The following RAB2A variants were observed in gnomAD, a reference collection of about 807,000 sequenced individuals.
RAB2A encodes the protein ras-related protein Rab-2A.
In RAB2A, 7 loss-of-function variants were observed where a neutral mutation model predicts 32.5. That is an observed-to-expected ratio of 0.22 (90% CI 0.12 to 0.40). The LOEUF (loss-of-function observed/expected upper bound fraction) is 0.40, where lower values mean the gene tolerates loss of function less well. Ranked by LOEUF, RAB2A falls within the 10% of genes least tolerant of loss-of-function variation. RAB2A has a pLI of 1.00. For missense variants in RAB2A, 108 were observed against 260.7 expected, an observed-to-expected ratio of 0.41 and a Z score of 4.03; for synonymous variants, 79 against 85.2, an observed-to-expected ratio of 0.93 and a Z score of 0.40.
chr8:60,587,403 T>C (rs1803868702), intron 5 of RAB2A, among the ~76,000 whole-genome samples: 1 of 152,174 alleles, frequency 6.6e-6, no homozygotes, highest in Admixed American at 6.5e-5. Context: ...TAAAACTACT[T>C]AAAATTTCTA....
chr8:60,560,652 A>G (rs1439383009), intron 2 of RAB2A, among the ~76,000 whole-genome samples: 2 of 152,158 alleles, frequency 1.3e-5, no homozygotes, highest in South Asian at 2.1e-4. Context: ...CCAACCCACA[A>G]CCTGCATGCA....
intron 6 of RAB2A, among the ~76,000 whole-genome samples, chr8:60,615,516 T>C (rs191816363): frequency 6.2e-4 from 94 of 152,322 alleles, no homozygotes; most frequent in African/African-American, 2.1e-3. Flanking sequence ...GGGATTGATA[T>C]TTAATGAATA....
intron 1 of RAB2A, among the ~76,000 whole-genome samples, chr8:60,546,891 C>CTTTTTTTTTTTTTTTTTTTTTTTTTTGTT (rs6150606): frequency 1.0e-5 from 1 of 98,948 alleles, no homozygotes; most frequent in Non-Finnish European, 2.0e-5. Flanking sequence ...TTTTTTGGGT[C>CTTTTTTTTTTTTTTTTTTTTTTTTTTGTT]TTTTTTTTTT....
chr8:60,594,408 A>C (rs1335856070), intron 6 of RAB2A, among the ~76,000 whole-genome samples: 2 of 152,220 alleles, frequency 1.3e-5, no homozygotes, highest in Non-Finnish European at 2.9e-5. Flanking sequence ...ATAGGGGAAA[A>C]ACAGTTCTAA....
At chr8:60,547,663 C>T (rs1586074393) in intron 1 of RAB2A, among the ~76,000 whole-genome samples, 1 of 122,594 alleles carries the variant, frequency 8.2e-6, no homozygotes, top group East Asian at 2.9e-4. Context: ...GCTGACCCCC[C>T]CACCTCCCTC....
At chr8:60,559,881 CAG>C (rs1000107468) in intron 2 of RAB2A, among the ~76,000 whole-genome samples, 22 of 152,190 alleles carry the variant, frequency 1.4e-4, no homozygotes, top group Non-Finnish European at 2.9e-4. Context: ...AATACCAAAT[CAG>C]AGATAGAGCT....
chr8:60,581,086 G>A (rs1170527562), intron 3 of RAB2A, among the ~76,000 whole-genome samples: 2 of 152,184 alleles, frequency 1.3e-5, no homozygotes, highest in East Asian at 3.8e-4. Context: ...TGAAATTGCA[G>A]ATAGTGCTGA....
At chr8:60,542,179 G>A (rs1182774083) in intron 1 of RAB2A, among the ~76,000 whole-genome samples, 1 of 152,158 alleles carries the variant, frequency 6.6e-6, no homozygotes, top group Non-Finnish European at 1.5e-5. Context: ...TCTTAAAGAT[G>A]AGTAGCTGAG....
At chr8:60,526,016 TGTAC>T (rs1382194778) in intron 1 of RAB2A, among the ~76,000 whole-genome samples, 5 of 88,872 alleles carry the variant, frequency 5.6e-5, no homozygotes, top group African/African-American at 2.3e-4. Flanking sequence ...TATGTGTGTG[TGTAC>T]ATATATATAT....
At chr8:60,543,683 G>C (rs926783456) in intron 1 of RAB2A, among the ~76,000 whole-genome samples, 6 of 152,148 alleles carry the variant, frequency 3.9e-5, no homozygotes, top group African/African-American at 9.7e-5. Flanking sequence ...TGATGAAATG[G>C]AGGTTATTCT....
chr8:60,602,013 G>A (rs1404371753), intron 6 of RAB2A, among the ~76,000 whole-genome samples: 1 of 151,998 alleles, frequency 6.6e-6, no homozygotes, highest in East Asian at 1.9e-4. Flanking sequence ...CAAGTAGCTG[G>A]AATGACAGGT....
At chr8:60,607,560 G>A (rs879812712) in intron 6 of RAB2A, among the ~76,000 whole-genome samples, 9 of 151,968 alleles carry the variant, frequency 5.9e-5, no homozygotes, top group African/African-American at 1.2e-4. Context: ...TATGTCATGA[G>A]CCACCATGCC....
intron 6 of RAB2A, among the ~76,000 whole-genome samples, chr8:60,597,827 A>C (rs1267797864): frequency 6.6e-6 from 1 of 152,230 alleles, no homozygotes; most frequent in Non-Finnish European, 1.5e-5. Flanking sequence ...CAAGTTACCA[A>C]TTATCAGTAA....
intron 6 of RAB2A, among the ~76,000 whole-genome samples, chr8:60,593,739 G>T (rs1221437452): frequency 6.6e-6 from 1 of 152,064 alleles, no homozygotes; most frequent in East Asian, 1.9e-4. Context: ...ATGAAAAAAA[G>T]ATAATAGGTG....
At chr8:60,609,290 A>C (rs1243422508) in intron 6 of RAB2A, among the ~76,000 whole-genome samples, 1 of 152,166 alleles carries the variant, frequency 6.6e-6, no homozygotes, top group African/African-American at 2.4e-5. Context: ...CCTCCTCTGG[A>C]ATGTGTTCCA....
intron 3 of RAB2A, among the ~76,000 whole-genome samples, chr8:60,578,711 G>T (rs144279519): frequency 7.9e-5 from 12 of 152,330 alleles, no homozygotes; most frequent in African/African-American, 2.9e-4. Context: ...AGAAGAGGAA[G>T]AAGAGGTGAA....
At position 60,528,176 on chromosome 8, in the gene RAB2A, A is replaced by G. The variant is rs1807421185; in HGVS notation, c.46+10923A>G. ...GGTAGGACCTCCATTCATGCATAAT[A>G]GTGCAGAACTATCCTATATAAAAGT... On this transcript the variant is annotated intron_variant, in intron 1 of 7. Coordinates refer to ENST00000262646, the MANE Select transcript of RAB2A (RefSeq NM_002865.3). Among the ~76,000 whole-genome samples the G allele has an allele frequency of 2.0e-5, 3 of 152,206 alleles. No individual in the cohort carries two copies. The South Asian group carries it at 6.2e-4, about 31-fold the overall frequency.
intron 2 of RAB2A, chr8:60,569,859 A>T (rs1808171111): frequency 2.5e-6 from 1 of 407,098 alleles, no homozygotes. Flanking sequence ...CTAAAACCCA[A>T]TTCTAGCTAA....
At chr8:60,595,301 A>G (rs1804004698) in intron 6 of RAB2A, among the ~76,000 whole-genome samples, 1 of 152,204 alleles carries the variant, frequency 6.6e-6, no homozygotes, top group Admixed American at 6.5e-5. Flanking sequence ...GTATTCCACA[A>G]TATTATAAGC....
Sources: gnomAD v4.1 joint callset for allele counts (sites outside exome capture counted in the v4.1 genomes callset) on GRCh38, gnomAD v4.1.1 for gene constraint, MANE v1.5 for transcripts, NCBI Gene and HGNC (gene_info 2026-07-23, HGNC 2026-07-21) for gene names.